RHOBTB1: variants seen among roughly 807,000 people sequenced by gnomAD.
RHOBTB1 encodes Rho related BTB domain containing 1.
A neutral mutation model predicts 71.6 loss-of-function variants in RHOBTB1; 40 were observed. That is an observed-to-expected ratio of 0.56 (90% CI 0.43 to 0.73). The LOEUF (loss-of-function observed/expected upper bound fraction) is 0.73, where lower values mean the gene tolerates loss of function less well. Among genes scored for constraint, RHOBTB1 ranks in the 30% least tolerant of loss-of-function variants. The pLI is 0.00. For missense variants in RHOBTB1, 797 were observed against 894.0 expected, an observed-to-expected ratio of 0.89 and a Z score of 1.38; for synonymous variants, 319 against 334.9, an observed-to-expected ratio of 0.95 and a Z score of 0.52.
chr10:60,875,078 C>A lies in RHOBTB1; in HGVS notation c.1727-36G>T, dbSNP rs754333457. The A allele has an allele frequency of 4.5e-6, 7 of 1,542,946 alleles. No individual in the cohort carries two copies. The African/African-American group carries it at 9.5e-5, about 21-fold the overall frequency. ...GAGAGGGGGCAGGAGAACATTAAAC[C>A]ACGCCCTGCGAGCCAGGTAGCTTGC... is the stretch of plus-strand genomic sequence containing the variant. On this transcript the variant is annotated intron_variant, in intron 8 of 10. Transcript: ENST00000337910.
chr10:60,952,134 C>T (rs1565121097), intron 2 of RHOBTB1, among the ~76,000 whole-genome samples: 1 of 146,036 alleles, frequency 6.8e-6, no homozygotes, highest in Non-Finnish European at 1.5e-5. Context: ...TTCTTTTAAT[C>T]ACTCATATAT....
chr10:60,968,371 G>A (rs966225445), intron 2 of RHOBTB1, among the ~76,000 whole-genome samples: 7 of 152,102 alleles, frequency 4.6e-5, no homozygotes, highest in Non-Finnish European at 8.8e-5. Context: ...CCAGACATAT[G>A]TAATTCCTAG....
At chr10:60,947,586 TTTTG>T (rs200635439), upstream of RHOBTB1, among the ~76,000 whole-genome samples, 884 of 152,276 alleles carry the variant, frequency 5.8e-3, 5 homozygotes, top group African/African-American at 0.021. Context: ...GATTGACTTT[TTTTG>T]TTTGTTTGTT....
At chr10:60,998,311 A>C (rs567050572) in intron 1 of RHOBTB1, among the ~76,000 whole-genome samples, 2 of 152,352 alleles carry the variant, frequency 1.3e-5, no homozygotes, top group East Asian at 1.9e-4. Context: ...AAACATACTT[A>C]CAGACCAACA....
At chr10:60,900,678 A>G (rs1271998438) in intron 4 of RHOBTB1, among the ~76,000 whole-genome samples, 1 of 152,242 alleles carries the variant, frequency 6.6e-6, no homozygotes, top group African/African-American at 2.4e-5. Flanking sequence ...AAACCTGCAT[A>G]TACAAATGTG....
At chr10:60,929,007 A>AT (rs1288663426) in intron 2 of RHOBTB1, among the ~76,000 whole-genome samples, 1 of 152,176 alleles carries the variant, frequency 6.6e-6, no homozygotes, top group Non-Finnish European at 1.5e-5. Flanking sequence ...ATGTCTTCAC[A>AT]TGGCAGCAGG....
At chr10:60,954,883 G>C (rs770095224) in intron 2 of RHOBTB1, among the ~76,000 whole-genome samples, 5 of 151,910 alleles carry the variant, frequency 3.3e-5, no homozygotes, top group Non-Finnish European at 5.9e-5. Flanking sequence ...TTCGGAAATA[G>C]TTCATATTTT....
chr10:60,872,908 T>C (rs1281753649), intron 9 of RHOBTB1, among the ~76,000 whole-genome samples: 1 of 152,110 alleles, frequency 6.6e-6, no homozygotes. Flanking sequence ...ATCAACTATC[T>C]ACTCCCCCAT....
chr10:60,911,831 T>C (rs946061400), intron 2 of RHOBTB1, among the ~76,000 whole-genome samples: 1 of 152,212 alleles, frequency 6.6e-6, no homozygotes, highest in African/African-American at 2.4e-5. Context: ...AAACACAACC[T>C]GCCTACTGGA....
At chr10:60,892,760 G>T (rs1163373255) in intron 5 of RHOBTB1, 50 bp downstream of exon 5, 1 of 1,531,290 alleles carries the variant, frequency 6.5e-7, no homozygotes, top group Non-Finnish European at 8.8e-7. Context: ...CCTGCTGCCT[G>T]TAAATTTTAA....
chr10:60,924,780 A>G (rs1306160384), intron 2 of RHOBTB1, among the ~76,000 whole-genome samples: 2 of 152,252 alleles, frequency 1.3e-5, no homozygotes, highest in African/African-American at 4.8e-5. Flanking sequence ...TTAAAAAATT[A>G]TATCCAGTAT....
At chr10:60,919,810 C>T (rs2083458808) in intron 2 of RHOBTB1, among the ~76,000 whole-genome samples, 1 of 152,182 alleles carries the variant, frequency 6.6e-6, no homozygotes, top group Non-Finnish European at 1.5e-5. Context: ...ATCGTGCTCT[C>T]TATGCTTTTA....
At chr10:60,921,998 G>A (rs567011718) in intron 2 of RHOBTB1, among the ~76,000 whole-genome samples, 41 of 152,304 alleles carry the variant, frequency 2.7e-4, no homozygotes, top group African/African-American at 8.9e-4. Flanking sequence ...ATTGCAGGCA[G>A]GAGGGGCATA....
chr10:60,937,055 TA>T (rs34881079), intron 2 of RHOBTB1, among the ~76,000 whole-genome samples: 9 of 152,098 alleles, frequency 5.9e-5, no homozygotes, highest in Admixed American at 5.9e-4. Flanking sequence ...GGATTATTAC[TA>T]AAAAAGGAAG....
At chr10:60,893,609 A>T (rs7094320) in intron 4 of RHOBTB1, among the ~76,000 whole-genome samples, 3,658 of 152,312 alleles carry the variant, frequency 0.024, 141 homozygotes, top group African/African-American at 0.084. Context: ...GTAAGGCAAG[A>T]AGGTAATATT....
chr10:60,967,285 GT>G lies in RHOBTB1; in HGVS notation c.-62+18559del, dbSNP rs1289662635. On this transcript the variant is annotated intron_variant, in intron 2 of 11. Coordinates refer to the RHOBTB1 transcript ENST00000357917. ...CATTTAGGTTTTTCTTTGTTTGCCT[GT>G]TTTTTTTTTTTTTTTTTTCTTTTTT... 8.3e-3 allele frequency among the ~76,000 whole-genome samples: 1,053 copies of G among 126,676 alleles called. 3 individuals are homozygous for G. The highest frequency in any genetic ancestry group is 0.022 in the Middle Eastern group (5 of 226). The allele number at this position is 126,676 out of a possible 152,430, so 83.1% of individuals were successfully genotyped here. A position where few individuals can be genotyped will look rare whatever the true frequency, so the allele number is the denominator to read the frequency against.
intron 4 of RHOBTB1, among the ~76,000 whole-genome samples, chr10:60,903,862 A>G (rs1271172743): frequency 2.0e-5 from 3 of 152,216 alleles, no homozygotes; most frequent in African/African-American, 7.2e-5. Flanking sequence ...GTTTTCAACG[A>G]GACTAACTTA....
At chr10:60,960,603 G>T (rs1186932232) in intron 2 of RHOBTB1, among the ~76,000 whole-genome samples, 3 of 152,164 alleles carry the variant, frequency 2.0e-5, no homozygotes, top group Non-Finnish European at 4.4e-5. Context: ...CTTGAGTGGG[G>T]TTTAAGTTAT....
chr10:60,943,077 T>C (rs933601969), intron 1 of RHOBTB1, among the ~76,000 whole-genome samples: 4 of 152,190 alleles, frequency 2.6e-5, no homozygotes, highest in Admixed American at 6.5e-5. Flanking sequence ...CCTCTGTGTA[T>C]ATATTAACCT....
Sources: gnomAD v4.1 joint callset for allele counts (sites outside exome capture counted in the v4.1 genomes callset) on GRCh38, gnomAD v4.1.1 for gene constraint, MANE v1.5 for transcripts, NCBI Gene and HGNC (gene_info 2026-07-23, HGNC 2026-07-21) for gene names.